SUGCT: variants seen among roughly 807,000 people sequenced by gnomAD.
The protein encoded by SUGCT is succinyl-CoA:glutarate-CoA transferase.
SUGCT carries 41 observed loss-of-function variants against 55.0 expected under a neutral mutation model. The observed-to-expected ratio is 0.74, with a 90% confidence interval of 0.58 to 0.97. The LOEUF is 0.97. SUGCT is among the 50% of genes least tolerant of loss of function. SUGCT has a pLI of 0.00. For synonymous variants in SUGCT, 187 were observed against 200.4 expected, an observed-to-expected ratio of 0.93 and a Z score of 0.56; for missense variants, 568 against 547.8, an observed-to-expected ratio of 1.04 and a Z score of -0.37.
the SUGCT span, among the ~76,000 whole-genome samples, chr7:40,906,099 A>G: frequency 1.3e-5 from 2 of 151,298 alleles, no homozygotes; most frequent in East Asian, 1.9e-4. Context: ...CATCATCACC[A>G]TCCATTTCCA....
chr7:40,971,887 T>C, the SUGCT span, among the ~76,000 whole-genome samples: 1 of 152,212 alleles, frequency 6.6e-6, no homozygotes, highest in African/African-American at 2.4e-5. Flanking sequence ...TGCTCTTTTT[T>C]TTAGCAGGTC....
intron 13 of SUGCT, among the ~76,000 whole-genome samples, chr7:40,779,117 C>G (rs1008460982): frequency 6.6e-6 from 1 of 152,052 alleles, no homozygotes; most frequent in East Asian, 1.9e-4. Flanking sequence ...GTCTTTGCCC[C>G]AGAAAAATTC....
chr7:40,518,861 C>T (rs1240145908), intron 12 of SUGCT, among the ~76,000 whole-genome samples: 1 of 151,728 alleles, frequency 6.6e-6, no homozygotes, highest in Non-Finnish European at 1.5e-5. Flanking sequence ...AATAAATAGA[C>T]CAGAATTATT....
chr7:40,332,092 G>A (rs1796341917), intron 9 of SUGCT, among the ~76,000 whole-genome samples: 1 of 152,126 alleles, frequency 6.6e-6, no homozygotes. Flanking sequence ...GACCATTTTT[G>A]GTTCAGGGAG....
chr7:40,780,340 G>A (rs532300400), intron 13 of SUGCT, among the ~76,000 whole-genome samples: 9 of 152,086 alleles, frequency 5.9e-5, no homozygotes, highest in Non-Finnish European at 1.2e-4. Context: ...TTCCTCTGGG[G>A]CAAAGTCCAA....
At chr7:40,631,323 T>G (rs1364667809) in intron 12 of SUGCT, among the ~76,000 whole-genome samples, 1 of 152,232 alleles carries the variant, frequency 6.6e-6, no homozygotes, top group Non-Finnish European at 1.5e-5. Context: ...CTTCCTAAGC[T>G]TGGCTGTGTA....
intron 9 of SUGCT, among the ~76,000 whole-genome samples, chr7:40,337,543 C>G (rs904915895): frequency 7.9e-5 from 12 of 152,098 alleles, no homozygotes; most frequent in African/African-American, 2.9e-4. Flanking sequence ...GGTTTAAAGT[C>G]TGTTTTATCA....
chr7:40,292,965 T>C (rs1285692158), intron 8 of SUGCT, among the ~76,000 whole-genome samples: 1 of 152,202 alleles, frequency 6.6e-6, no homozygotes, highest in Non-Finnish European at 1.5e-5. Flanking sequence ...ACCATATTGG[T>C]CACTTCATCA....
At chr7:40,988,236 C>T in the SUGCT span, among the ~76,000 whole-genome samples, 1 of 146,530 alleles carries the variant, frequency 6.8e-6, no homozygotes, top group South Asian at 2.3e-4. Context: ...AAAGAGGCAA[C>T]TAGATGAAGA....
intron 11 of SUGCT, among the ~76,000 whole-genome samples, chr7:40,463,846 C>T (rs1295992162): frequency 6.6e-6 from 1 of 152,170 alleles, no homozygotes; most frequent in Non-Finnish European, 1.5e-5. Context: ...ACATTGAAAA[C>T]TAGGTAAAAC....
At chr7:40,548,373 C>G (rs575492324) in intron 12 of SUGCT, among the ~76,000 whole-genome samples, 1 of 151,786 alleles carries the variant, frequency 6.6e-6, no homozygotes, top group Non-Finnish European at 1.5e-5. Flanking sequence ...AAATTTTTAA[C>G]GGTTTTTGTA....
At chr7:40,434,413 TTCCTATAGTCA>T (rs989434978) in intron 9 of SUGCT, among the ~76,000 whole-genome samples, 1 of 152,138 alleles carries the variant, frequency 6.6e-6, no homozygotes, top group African/African-American at 2.4e-5. Context: ...TTTTTTTCTC[TTCCTATAGTCA>T]CACATAGAAT....
chr7:40,383,408 C>T (rs747703637), intron 9 of SUGCT, among the ~76,000 whole-genome samples: 4 of 152,098 alleles, frequency 2.6e-5, no homozygotes, highest in Non-Finnish European at 5.9e-5. Context: ...AGGACGGGTT[C>T]AAGACATAGG....
rs1794455693 is a variant in SUGCT at position 40,860,576 on chromosome 7, AAAG to A, written c.*102_*104del. Reference sequence around the variant, plus strand: ...TTCTCCCCAGTTCTGATACCACTAAAAAGAAGATTTAGAGTAACTCCAGATTTC... The same window carrying A: ...TTCTCCCCAGTTCTGATACCACTAAAAAGATTTAGAGTAACTCCAGATTTC... On this transcript the variant is annotated 3_prime_UTR_variant, in exon 14 of 14. Transcript: ENST00000335693. 1.5e-6 allele frequency: 2 copies of A among 1,304,008 alleles called. No individual in the cohort carries two copies. The highest frequency in any genetic ancestry group is 2.1e-6 in the Non-Finnish European group (2 of 972,790). 80.8% of individuals were successfully genotyped at this position (1,304,008 alleles called of 1,614,324 possible).
chr7:40,694,943 C>G (rs1485398478), intron 12 of SUGCT, among the ~76,000 whole-genome samples: 1 of 152,140 alleles, frequency 6.6e-6, no homozygotes, highest in Non-Finnish European at 1.5e-5. Flanking sequence ...ACCTGCTCAG[C>G]TGTAGTCACT....
chr7:40,331,603 C>T (rs74556105), intron 9 of SUGCT, among the ~76,000 whole-genome samples: 20,344 of 151,594 alleles, frequency 0.13, 1,638 homozygotes, highest in East Asian at 0.44. Context: ...AGGCCTGCTG[C>T]TATCTTTATC....
chr7:40,621,814 T>G (rs1321588704), intron 12 of SUGCT, among the ~76,000 whole-genome samples: 1 of 152,226 alleles, frequency 6.6e-6, no homozygotes, highest in Non-Finnish European at 1.5e-5. Flanking sequence ...TGACCACATG[T>G]CCCTGAGTTT....
rs556768296 is a variant in SUGCT, at chr7:40,749,899, A to G, written c.1153+402A>G. On this transcript the variant is annotated intron_variant, in intron 13 of 13. Transcript: ENST00000335693. Reference sequence around the variant, plus strand: ...ATGTAACTGGAGTCCGAGGAAGGCTACTGACTGCTCAGGCTCGGGCATTTT... The same window carrying G: ...ATGTAACTGGAGTCCGAGGAAGGCTGCTGACTGCTCAGGCTCGGGCATTTT... 1.2e-4 allele frequency among the ~76,000 whole-genome samples: 19 copies of G among 152,332 alleles called. No individual in the cohort carries two copies. The South Asian group carries it at 2.9e-3, about 23-fold the overall frequency.
chr7:40,894,376 C>T, the SUGCT span, among the ~76,000 whole-genome samples: 1 of 152,180 alleles, frequency 6.6e-6, no homozygotes, highest in South Asian at 2.1e-4. Flanking sequence ...GAAAGAAAAC[C>T]TAGGAAATAC....
Sources: allele counts gnomAD v4.1 joint callset (sites outside exome capture counted in the v4.1 genomes callset), GRCh38; gene constraint gnomAD v4.1.1; transcripts MANE v1.5; gene names NCBI Gene and HGNC (gene_info 2026-07-23, HGNC 2026-07-21).